Variants in MGAT4C observed in about 807,000 individuals in gnomAD.
MGAT4C encodes alpha-1,3-mannosyl-glycoprotein 4-beta-N-acetylglucosaminyltransferase C.
Under a neutral mutation model 40.1 loss-of-function variants are expected in MGAT4C, and 19 were observed. That is an observed-to-expected ratio of 0.47 (90% CI 0.33 to 0.70). The LOEUF is 0.70. MGAT4C is among the 30% of genes least tolerant of loss of function. MGAT4C has a pLI of 0.02. For missense variants in MGAT4C, 491 were observed against 563.2 expected (o/e 0.87, Z 1.30); for synonymous variants, 181 against 187.1 (o/e 0.97, Z 0.27).
chr12:86,712,959 T>C (rs138182978), intron 2 of MGAT4C, among the ~76,000 whole-genome samples: 1 of 152,242 alleles, frequency 6.6e-6, no homozygotes, highest in East Asian at 1.9e-4. Flanking sequence ...GGATAGAAAT[T>C]TTGTTAAAAG....
intron 1 of MGAT4C, among the ~76,000 whole-genome samples, chr12:86,184,414 C>T (rs1323183771): frequency 6.6e-6 from 1 of 151,068 alleles, no homozygotes; most frequent in Non-Finnish European, 1.5e-5. Flanking sequence ...TACTATGTGC[C>T]AGGACATTAT....
chr12:86,299,261 C>G (rs1014191797), intron 4 of MGAT4C, among the ~76,000 whole-genome samples: 11 of 152,216 alleles, frequency 7.2e-5, no homozygotes, highest in Non-Finnish European at 1.3e-4. Flanking sequence ...GGACTACAAG[C>G]GCATGCCACC....
At chr12:86,095,297 G>T (rs187745162) in intron 1 of MGAT4C, among the ~76,000 whole-genome samples, 3 of 152,124 alleles carry the variant, frequency 2.0e-5, no homozygotes, top group Admixed American at 2.0e-4. Context: ...TATACTCCCA[G>T]ATATTAATAC....
chr12:86,059,451 C>A (rs1182065270), intron 1 of MGAT4C, among the ~76,000 whole-genome samples: 3 of 152,150 alleles, frequency 2.0e-5, no homozygotes, highest in East Asian at 1.9e-4. Flanking sequence ...TCAGAAGAAA[C>A]CATAGTTCTC....
At chr12:86,805,207 T>G (rs1952327028) in intron 1 of MGAT4C, among the ~76,000 whole-genome samples, 1 of 152,000 alleles carries the variant, frequency 6.6e-6, no homozygotes, top group Non-Finnish European at 1.5e-5. Flanking sequence ...TATTTCTTTC[T>G]TTTTTTGTTG....
chr12:86,783,831 G>A (rs547412462), intron 1 of MGAT4C, among the ~76,000 whole-genome samples: 15 of 152,186 alleles, frequency 9.9e-5, no homozygotes, highest in Admixed American at 9.8e-4. Flanking sequence ...AAACTGGCAA[G>A]GAATAAATTA....
intron 1 of MGAT4C, among the ~76,000 whole-genome samples, chr12:86,764,403 G>T (rs1424594021): frequency 6.6e-6 from 1 of 152,164 alleles, no homozygotes; most frequent in Non-Finnish European, 1.5e-5. Context: ...AAGGAGGCCT[G>T]CCGGCCTCTG....
chr12:86,759,446 T>A (rs1951363425), intron 1 of MGAT4C, among the ~76,000 whole-genome samples: 1 of 152,150 alleles, frequency 6.6e-6, no homozygotes, highest in East Asian at 1.9e-4. Flanking sequence ...CTTTTAATTA[T>A]CTGAGGAACC....
intron 1 of MGAT4C, among the ~76,000 whole-genome samples, chr12:86,804,143 A>G (rs1952294062): frequency 6.6e-6 from 1 of 151,518 alleles, no homozygotes; most frequent in Admixed American, 6.6e-5. Flanking sequence ...GGAAATCATA[A>G]TTCTCAGTAA....
chr12:86,440,802 C>G (rs1957214131), intron 2 of MGAT4C, among the ~76,000 whole-genome samples: 1 of 151,968 alleles, frequency 6.6e-6, no homozygotes, highest in South Asian at 2.1e-4. Context: ...TCAATATACA[C>G]AAATCAGCTG....
intron 4 of MGAT4C, among the ~76,000 whole-genome samples, chr12:86,276,938 G>T (rs909325362): frequency 6.6e-6 from 1 of 151,996 alleles, no homozygotes; most frequent in African/African-American, 2.4e-5. Flanking sequence ...CTTTCTTTTG[G>T]GTGCATACCC....
chr12:86,054,472 A>G (rs1486672956), intron 1 of MGAT4C, among the ~76,000 whole-genome samples: 1 of 152,024 alleles, frequency 6.6e-6, no homozygotes, highest in Non-Finnish European at 1.5e-5. Context: ...TACAATTTCA[A>G]TTAGATAGGT....
chr12:86,457,004 T>C (rs771807577), intron 2 of MGAT4C, among the ~76,000 whole-genome samples: 9 of 152,146 alleles, frequency 5.9e-5, no homozygotes, highest in African/African-American at 9.7e-5. Flanking sequence ...TCCTGAATAA[T>C]TGAGCTGAAA....
intron 2 of MGAT4C, among the ~76,000 whole-genome samples, chr12:86,522,776 C>T (rs1392465834): frequency 6.6e-6 from 1 of 152,020 alleles, no homozygotes; most frequent in Non-Finnish European, 1.5e-5. Context: ...AATTTTGGAG[C>T]TCATTATCGG....
intron 1 of MGAT4C, among the ~76,000 whole-genome samples, chr12:86,738,606 T>G (rs1951019686): frequency 6.6e-6 from 1 of 151,324 alleles, no homozygotes; most frequent in African/African-American, 2.4e-5. Context: ...TTTACATTCA[T>G]CCAACTCATA....
chr12:86,665,480 C>T (rs1964081862), intron 2 of MGAT4C, among the ~76,000 whole-genome samples: 1 of 151,878 alleles, frequency 6.6e-6, no homozygotes, highest in African/African-American at 2.4e-5. Context: ...GGGTTCAGGG[C>T]ATTCTCCTGC....
intron 4 of MGAT4C, among the ~76,000 whole-genome samples, chr12:85,982,876 A>G (rs1884769738): frequency 6.6e-6 from 1 of 152,234 alleles, no homozygotes; most frequent in South Asian, 2.1e-4. Flanking sequence ...ACACAGAAAG[A>G]CAAAGAGAAG....
At chr12:86,483,281 A>C (rs980717875) in intron 2 of MGAT4C, among the ~76,000 whole-genome samples, 1 of 152,164 alleles carries the variant, frequency 6.6e-6, no homozygotes, top group Non-Finnish European at 1.5e-5. Context: ...TCAACAAATG[A>C]ATTTTAGGGA....
chr12:86,251,080 A>G (rs1293277010), intron 1 of MGAT4C, among the ~76,000 whole-genome samples: 1 of 151,378 alleles, frequency 6.6e-6, no homozygotes, highest in Non-Finnish European at 1.5e-5. Flanking sequence ...TTATAAGATT[A>G]GTTCATGAAA....
Sources: gnomAD v4.1 joint callset for allele counts (sites outside exome capture counted in the v4.1 genomes callset) on GRCh38, gnomAD v4.1.1 for gene constraint, MANE v1.5 for transcripts, NCBI Gene and HGNC (gene_info 2026-07-23, HGNC 2026-07-21) for gene names.